The following ADAM28 variants were observed in gnomAD, a reference collection of about 807,000 sequenced individuals.
ADAM28 encodes the protein disintegrin and metalloproteinase domain-containing protein 28.
ADAM28 carries 105 observed loss-of-function variants against 101.2 expected under a neutral mutation model. The ratio of observed to expected loss-of-function variants is 1.04; its 90% CI spans 0.89 to 1.22. ADAM28 has a LOEUF of 1.22. ADAM28 is among the 50% of genes most tolerant of loss of function. The pLI is 0.00. For missense variants in ADAM28, 1,028 were observed against 945.4 expected (o/e 1.09, Z -1.15); for synonymous variants, 322 against 310.6 (o/e 1.04, Z -0.39).
intron 1 of ADAM28, among the ~76,000 whole-genome samples, chr8:24,295,630 G>A (rs1379031712): frequency 1.3e-5 from 2 of 152,118 alleles, no homozygotes; most frequent in Non-Finnish European, 2.9e-5. Flanking sequence ...TGGGGCCCAT[G>A]CACATTACAG....
chr8:24,326,345 A>G (rs556495515), intron 9 of ADAM28, among the ~76,000 whole-genome samples: 3 of 152,044 alleles, frequency 2.0e-5, no homozygotes, highest in Non-Finnish European at 4.4e-5. Flanking sequence ...AATATTCAAC[A>G]TAATTCTATC....
At chr8:24,310,447 T>G (rs560228601) in intron 4 of ADAM28, 9 of 481,632 alleles carry the variant, frequency 1.9e-5, no homozygotes, top group African/African-American at 1.6e-4. Flanking sequence ...CTCCGGTAAG[T>G]TTTTCCAGCC....
chr8:24,331,108 A>G (rs1306257260), intron 11 of ADAM28, 42 bp from the exon 12 acceptor site: 14 of 1,559,888 alleles, frequency 9.0e-6, no homozygotes, highest in African/African-American at 4.1e-5. Flanking sequence ...CGCACATGTT[A>G]AGCATGACTA....
At chr8:24,309,015 A>AG (rs1445458392) in intron 2 of ADAM28, among the ~76,000 whole-genome samples, 3 of 152,202 alleles carry the variant, frequency 2.0e-5, no homozygotes, top group Non-Finnish European at 4.4e-5. Context: ...ATAACGAGGC[A>AG]CTTCCTAATA....
Position 24,343,477 on chromosome 8 carries a change from G to T in ADAM28, c.1912-29G>T, listed in dbSNP as rs115177208. ...CTTGAGTTTCTGGTCAGCCTAGCGG[G>T]GACAGTAACAGGATCATTGCTCCCC... On this transcript the variant is annotated intron_variant, in intron 17 of 22. Transcript: ENST00000265769. 1,069 of 1,609,756 alleles carry T rather than the reference G, an allele frequency of 6.6e-4. 8 individuals are homozygous for T. The African/African-American group carries it at 0.013, about 19-fold the overall frequency.
chr8:24,312,417 T>C (rs1810590342), intron 5 of ADAM28, among the ~76,000 whole-genome samples: 1 of 152,116 alleles, frequency 6.6e-6, no homozygotes, highest in South Asian at 2.1e-4. Context: ...CCAAGTCTTA[T>C]TGATTCTATC....
intron 2 of ADAM28, among the ~76,000 whole-genome samples, chr8:24,301,536 A>G (rs1422210464): frequency 6.6e-6 from 1 of 152,194 alleles, no homozygotes; most frequent in African/African-American, 2.4e-5. Context: ...CAACAAACAT[A>G]TAACTTAAGT....
chr8:24,314,766 T>G (rs1213832170), intron 6 of ADAM28, among the ~76,000 whole-genome samples: 1 of 151,656 alleles, frequency 6.6e-6, no homozygotes, highest in East Asian at 1.9e-4. Flanking sequence ...TTAAGAAATA[T>G]ATAATATAAA....
intron 5 of ADAM28, 75 bp downstream of exon 5, chr8:24,311,512 C>G: frequency 8.6e-7 from 1 of 1,162,848 alleles, no homozygotes; most frequent in Non-Finnish European, 1.2e-6. Flanking sequence ...CCAGATGAAT[C>G]CCAAATATCA....
At position 24,336,042 on chromosome 8, in the gene ADAM28, GT is replaced by G. The variant is rs200661354; in HGVS notation, c.1567+402del. The G allele has an allele frequency of 3.5e-3, 3,207 of 909,134 alleles. 73 individuals are homozygous for G. The African/African-American group carries it at 0.054, about 15-fold the overall frequency. 56.3% of individuals were successfully genotyped at this position (909,134 alleles called of 1,614,324 possible). ...CTTGGAAATCTGTGTGTGTGCGGGT[GT>G]GTGTGTGTGTGTGTGTGCAGGGGTG... On this transcript the variant is annotated intron_variant, in intron 14 of 22. Coordinates refer to ENST00000265769, the MANE Select transcript of ADAM28 (RefSeq NM_014265.6).
intron 8 of ADAM28, among the ~76,000 whole-genome samples, chr8:24,323,174 T>G (rs1812105844): frequency 6.6e-6 from 1 of 151,862 alleles, no homozygotes; most frequent in African/African-American, 2.4e-5. Context: ...TGCCTTTATA[T>G]GGTAGAAAGA....
intron 14 of ADAM28, among the ~76,000 whole-genome samples, chr8:24,336,600 G>GA (rs1257292791): frequency 1.7e-5 from 2 of 116,758 alleles, no homozygotes; most frequent in South Asian, 2.8e-4. Context: ...AAAAAAAAAA[G>GA]AAAAAAAAAG....
chr8:24,349,463 A>G (rs1250516373), intron 18 of ADAM28, among the ~76,000 whole-genome samples: 1 of 152,140 alleles, frequency 6.6e-6, no homozygotes, highest in Non-Finnish European at 1.5e-5. Context: ...AATGACAGGA[A>G]TGTATTTTCA....
In ADAM28 at chr8:24,299,908, T is replaced by C. The variant is rs1291691170; in HGVS notation, c.47-66T>C. The C allele has an allele frequency of 5.9e-6, 7 of 1,177,930 alleles. No homozygotes were observed. In the African/African-American group the frequency reaches 9.2e-5, roughly 15 times the overall value. 73.0% of individuals were successfully genotyped at this position (1,177,930 alleles called of 1,614,324 possible). ...TCGTTCATTGGGAATGCAGTAAGGA[T>C]GGCCTTTACTGACCAGCCTACTTCA... On this transcript the variant is annotated intron_variant, in intron 1 of 22. Coordinates refer to ENST00000265769, the MANE Select transcript of ADAM28 (RefSeq NM_014265.6).
chr8:24,309,765 G>C, intron 2 of ADAM28, 129 bp from the exon 3 acceptor site: 1 of 638,770 alleles, frequency 1.6e-6, no homozygotes. Flanking sequence ...GTCAAGAGGG[G>C]AAGAGGCAAG....
At chr8:24,340,485 T>G (rs1248090294) in intron 15 of ADAM28, among the ~76,000 whole-genome samples, 1 of 152,132 alleles carries the variant, frequency 6.6e-6, no homozygotes, top group African/African-American at 2.4e-5. Context: ...CAATTGTAGG[T>G]GGTGAATGGG....
Position 24,355,179 on chromosome 8 carries a change from T to A in ADAM28, c.*775T>A, listed in dbSNP as rs1445874315. 6.6e-6 allele frequency: 1 copy of A among 152,538 alleles called. No homozygotes were observed. Among genetic ancestry groups the A allele is most frequent in the Non-Finnish European group, 1.5e-5 (1 of 68,010 alleles). The allele number at this position is 152,538 out of a possible 1,614,324, so 9.4% of individuals were successfully genotyped here. On this transcript the variant is annotated 3_prime_UTR_variant, in exon 23 of 23. Coordinates refer to ENST00000265769, the MANE Select transcript of ADAM28 (RefSeq NM_014265.6). ...TTGCTAATATTTAAAAATTGAGAGA[T>A]CTTGCATAAACAATAGATTCCCAGC...
At chr8:24,320,333 T>C (rs1008827189) in intron 7 of ADAM28, 26 bp downstream of exon 7, 1 of 1,483,630 alleles carries the variant, frequency 6.7e-7, no homozygotes, top group Admixed American at 1.8e-5. Flanking sequence ...AAATGTGCTG[T>C]CTTCCAAAAC....
At chr8:24,342,964 CTCTGTTTCCCTTCT>C in intron 16 of ADAM28, 123 bp from the exon 17 acceptor site, 2 of 1,452,316 alleles carry the variant, frequency 1.4e-6, no homozygotes, top group East Asian at 4.9e-5. Context: ...CAGAGCCCGT[CTCTGTTTCCCTTCT>C]TCTACATCAG....
Sources: allele counts gnomAD v4.1 joint callset (sites outside exome capture counted in the v4.1 genomes callset), GRCh38; gene constraint gnomAD v4.1.1; transcripts MANE v1.5; gene names NCBI Gene and HGNC (gene_info 2026-07-23, HGNC 2026-07-21).